The following RCN3 variants were observed in gnomAD, a reference collection of about 807,000 sequenced individuals.
RCN3 encodes the protein reticulocalbin 3.
A neutral mutation model predicts 35.9 loss-of-function variants in RCN3; 41 were observed. That is an observed-to-expected ratio of 1.14 (90% CI 0.89 to 1.48). RCN3 has a LOEUF of 1.48. RCN3 is among the 40% of genes most tolerant of loss of function. RCN3 has a pLI of 0.00. For synonymous variants in RCN3, 187 were observed against 193.4 expected (o/e 0.97, Z 0.27); for missense variants, 451 against 471.3 (o/e 0.96, Z 0.40).
At chr19:49,529,219 G>A (rs1422822300) in intron 2 of RCN3, among the ~76,000 whole-genome samples, 1 of 152,080 alleles carries the variant, frequency 6.6e-6, no homozygotes, top group East Asian at 1.9e-4. Context: ...ACCTTTGAGG[G>A]CAGCAAAATC....
intron 3 of RCN3, among the ~76,000 whole-genome samples, chr19:49,534,916 T>C (rs2080127206): frequency 6.6e-6 from 1 of 152,072 alleles, no homozygotes; most frequent in Non-Finnish European, 1.5e-5. Flanking sequence ...AGCCCCTGAC[T>C]CTCAGATCCC....
chr19:49,534,217 C>A lies in RCN3; in HGVS notation c.267C>A (p.Arg89=), dbSNP rs377244281. 4.4e-5 allele frequency: 66 copies of A among 1,487,010 alleles called. No homozygotes were observed. The highest frequency in any genetic ancestry group is 3.7e-4 in the East Asian group (14 of 37,788). 92.1% of individuals were successfully genotyped at this position (1,487,010 alleles called of 1,614,324 possible). A position where few individuals can be genotyped will look rare whatever the true frequency, so the allele number is the denominator to read the frequency against. Residue 89 remains arginine (R), a synonymous_variant, in exon 3 of 7, where the codon CGC becomes CGA. Transcript: ENST00000270645. ...RLGRIVDRMD[R]AGDGDGWVSL... ...GGCGGATCGTGGACCGCATGGACCGCGCGGGGGACGGCGACGGCTGGGTGT... is the reference window on the plus strand; with the variant it reads ...GGCGGATCGTGGACCGCATGGACCGAGCGGGGGACGGCGACGGCTGGGTGT...
At chr19:49,532,080 C>T (rs1020767545) in intron 2 of RCN3, among the ~76,000 whole-genome samples, 2 of 140,862 alleles carry the variant, frequency 1.4e-5, no homozygotes, top group African/African-American at 2.6e-5. Context: ...GGATTACAGG[C>T]GTGAGCCATG....
intron 5 of RCN3, among the ~76,000 whole-genome samples, chr19:49,539,718 A>ATT (rs58021494): frequency 1.0e-3 from 119 of 119,126 alleles, no homozygotes; most frequent in African/African-American, 3.0e-3. Context: ...CTAACAAGGA[A>ATT]TTTTTTTTTT....
At chr19:49,528,149 C>T (rs2080090520) in intron 1 of RCN3, 91 bp downstream of exon 1, 1 of 304,394 alleles carries the variant, frequency 3.3e-6, no homozygotes, top group Non-Finnish European at 6.0e-6. Flanking sequence ...GGGGAGCCTG[C>T]CTGACCTCTC....
chr19:49,541,087 C>T (rs1175529422), intron 5 of RCN3, among the ~76,000 whole-genome samples: 5 of 152,040 alleles, frequency 3.3e-5, no homozygotes, highest in African/African-American at 7.2e-5. Context: ...TGCACTACCA[C>T]GCCTGGCTAA....
rs1326942455 is a variant in RCN3 at position 49,537,016 on chromosome 19, G to A, written c.446-17G>A. On this transcript the variant is annotated splice_polypyrimidine_tract_variant and intron_variant, in intron 3 of 6. Coordinates refer to ENST00000270645, the MANE Select transcript of RCN3 (RefSeq NM_020650.3). ...CCTCCATTAAAGCTCATCTCACTGA[G>A]ACCTGTCCTTCCCCAGGTGAAGAAT... 6.7e-7 allele frequency: 1 copy of A among 1,482,944 alleles called. No homozygotes were observed. The highest frequency in any genetic ancestry group is 1.3e-5 in the South Asian group (1 of 76,436). The allele number at this position is 1,482,944 out of a possible 1,614,324, so 91.9% of individuals were successfully genotyped here. A position where few individuals can be genotyped will look rare whatever the true frequency, so the allele number is the denominator to read the frequency against.
chr19:49,531,383 C>T (rs975635955), intron 2 of RCN3, among the ~76,000 whole-genome samples: 5 of 152,178 alleles, frequency 3.3e-5, no homozygotes, highest in African/African-American at 4.8e-5. Context: ...GAGTCCAAAG[C>T]GGGCGGATTG....
chr19:49,542,972 G>A (rs1255475705), intron 6 of RCN3, 134 bp from the exon 7 acceptor site: 2 of 849,492 alleles, frequency 2.4e-6, no homozygotes, highest in East Asian at 2.7e-5. Context: ...ACCAAGACGG[G>A]GACAGATTCA....
At chr19:49,541,537 T>C (rs2080162948) in intron 5 of RCN3, among the ~76,000 whole-genome samples, 1 of 152,020 alleles carries the variant, frequency 6.6e-6, no homozygotes, top group African/African-American at 2.4e-5. Flanking sequence ...TCACTTGAGG[T>C]CAAGAGTTCA....
chr19:49,536,371 G>A (rs1327741066), intron 3 of RCN3, among the ~76,000 whole-genome samples: 1 of 146,852 alleles, frequency 6.8e-6, no homozygotes, highest in Non-Finnish European at 1.5e-5. Flanking sequence ...CAAGGTCTCG[G>A]CTTACTACAA....
At chr19:49,537,246 G>A (rs772320153) in intron 4 of RCN3, 41 bp downstream of exon 4, 6 of 1,417,596 alleles carry the variant, frequency 4.2e-6, no homozygotes, top group Non-Finnish European at 5.6e-6. Context: ...ACACCCTTCC[G>A]GGGACCCAGG....
chr19:49,528,847 A>G (rs1277471903), intron 2 of RCN3, 133 bp downstream of exon 2: 18 of 1,189,730 alleles, frequency 1.5e-5, no homozygotes, highest in Non-Finnish European at 1.9e-5. Context: ...TCTACCTTCT[A>G]TCCTTGGGAA....
intron 5 of RCN3, 79 bp from the exon 6 acceptor site, chr19:49,542,474 T>A (rs1207360414): frequency 9.8e-7 from 1 of 1,019,304 alleles, no homozygotes; most frequent in African/African-American, 1.6e-5. Flanking sequence ...TCAGGAAGTA[T>A]CAGAGCCAGG....
chr19:49,543,290 T>C lies in RCN3; in HGVS notation c.*77T>C. ...GGCCGCTGTGGTCTGGCCCCCTCCC[T>C]GTCCAGGCCCCGCAGGAGGCAGATG... On this transcript the variant is annotated 3_prime_UTR_variant, in exon 7 of 7. Coordinates refer to ENST00000270645, the MANE Select transcript of RCN3 (RefSeq NM_020650.3). 13 of 1,178,208 alleles carry C rather than the reference T, an allele frequency of 1.1e-5. No individual in the cohort carries two copies. The highest frequency in any genetic ancestry group is 1.1e-5 in the Non-Finnish European group (9 of 802,822). The allele number at this position is 1,178,208 out of a possible 1,614,324, so 73.0% of individuals were successfully genotyped here.
intron 5 of RCN3, among the ~76,000 whole-genome samples, chr19:49,541,608 G>T (rs2080163190): frequency 6.6e-6 from 1 of 152,120 alleles, no homozygotes; most frequent in South Asian, 2.1e-4. Context: ...AATTAGCTGG[G>T]CGTGGTGGCG....
At position 49,528,552 on chromosome 19, in the gene RCN3, G is replaced by C. The variant is rs755408375; in HGVS notation, c.80G>C (p.Gly27Ala). The change falls in exon 2 of 7, where the codon GGC (glycine) becomes GCC (alanine). Residue 27 changes from glycine to alanine, a missense_variant. Gly to Ala is a moderately conservative substitution (Grantham distance 60, BLOSUM62 0). Coordinates refer to ENST00000270645, the MANE Select transcript of RCN3 (RefSeq NM_020650.3). ...CAGGGGAAGCCATCCCCAGACGCAG[G>C]CCCTCATGGCCAGGGGAGGGTGCAC... ...GAQGKPSPDA[G>A]PHGQGRVHQA... 10 of 1,591,224 alleles carry C rather than the reference G, an allele frequency of 6.3e-6. No homozygotes were observed. Among genetic ancestry groups the C allele is most frequent in the Middle Eastern group, 1.7e-4 (1 of 5,944 alleles).
chr19:49,533,582 C>T (rs1006800932), intron 2 of RCN3, among the ~76,000 whole-genome samples: 7 of 151,882 alleles, frequency 4.6e-5, no homozygotes, highest in African/African-American at 1.7e-4. Context: ...CCCGGGGTTG[C>T]GGGTGATGGT....
chr19:49,528,206 T>G, intron 1 of RCN3, 148 bp downstream of exon 1: 1 of 412,722 alleles, frequency 2.4e-6, no homozygotes, highest in Non-Finnish European at 4.3e-6. Flanking sequence ...GTGCGCCACG[T>G]CTGTCTCTGT....
Sources: gnomAD v4.1 joint callset for allele counts (sites outside exome capture counted in the v4.1 genomes callset) on GRCh38, gnomAD v4.1.1 for gene constraint, MANE v1.5 for transcripts, NCBI Gene and HGNC (gene_info 2026-07-23, HGNC 2026-07-21) for gene names.